Variants in DRD2 observed in about 807,000 individuals in gnomAD.
The protein encoded by DRD2 is dopamine receptor D2.
DRD2 carries 8 observed loss-of-function variants against 38.0 expected under a neutral mutation model. The ratio of observed to expected loss-of-function variants is 0.21; its 90% CI spans 0.12 to 0.38. The LOEUF is 0.38. Ranked by LOEUF, DRD2 falls within the 10% of genes least tolerant of loss-of-function variation. The probability of loss-of-function intolerance (pLI) is 1.00; values close to 1 mark genes in which losing one functional copy is unlikely to be tolerated. For synonymous variants in DRD2, 230 were observed against 238.6 expected (o/e 0.96, Z 0.33); for missense variants, 403 against 607.7 (o/e 0.66, Z 3.54).
chr11:113,428,022 G>C (rs1950955480), intron 1 of DRD2, among the ~76,000 whole-genome samples: 1 of 152,142 alleles, frequency 6.6e-6, no homozygotes, highest in Non-Finnish European at 1.5e-5. Context: ...GCCATGGAGA[G>C]AGGCCTTAAG....
At chr11:113,464,301 C>T (rs760509669) in intron 1 of DRD2, among the ~76,000 whole-genome samples, 6 of 152,180 alleles carry the variant, frequency 3.9e-5, no homozygotes, top group Non-Finnish European at 7.3e-5. Context: ...ACTTCCGCTG[C>T]GGCCCTTCCA....
intron 1 of DRD2, among the ~76,000 whole-genome samples, chr11:113,432,230 C>A (rs1950993579): frequency 6.6e-6 from 1 of 151,626 alleles, no homozygotes; most frequent in South Asian, 2.1e-4. Flanking sequence ...AGCCTGGGAT[C>A]CAGGAAGAAA....
At chr11:113,438,244 C>T (rs1170727595) in intron 1 of DRD2, among the ~76,000 whole-genome samples, 2 of 152,054 alleles carry the variant, frequency 1.3e-5, no homozygotes, top group Non-Finnish European at 2.9e-5. Flanking sequence ...TCCAGTCCCA[C>T]TTGGTAGCAG....
In DRD2 at chr11:113,437,957, G is replaced by A. The variant is rs552199314; in HGVS notation, c.-31-13275C>T. Among the ~76,000 whole-genome samples the A allele has an allele frequency of 2.6e-5, 4 of 152,264 alleles. No individual in the cohort carries two copies. The East Asian group carries it at 7.7e-4, about 29-fold the overall frequency. ...GTCTCCTCATCCCGACAACAGACTG[G>A]GGGGTGCAGAGGAGCCCCCAGCTGC... On this transcript the variant is annotated intron_variant, in intron 1 of 7. Transcript: ENST00000362072.
intron 6 of DRD2, 89 bp from the exon 7 acceptor site, chr11:113,412,972 T>A: frequency 2.1e-6 from 3 of 1,404,108 alleles, no homozygotes; most frequent in Non-Finnish European, 2.9e-6. Context: ...TTTCCCCCTC[T>A]GAAGACTCCT....
intron 1 of DRD2, among the ~76,000 whole-genome samples, chr11:113,454,712 T>C (rs1951251592): frequency 6.6e-6 from 1 of 152,178 alleles, no homozygotes; most frequent in Admixed American, 6.5e-5. Context: ...AACCTAAGTG[T>C]CTACTAATGG....
intron 1 of DRD2, among the ~76,000 whole-genome samples, chr11:113,451,175 C>T (rs746389888): frequency 6.6e-6 from 1 of 152,194 alleles, no homozygotes; most frequent in Non-Finnish European, 1.5e-5. Flanking sequence ...TTCTTTTAAG[C>T]TGTTAAGAAT....
In DRD2 at chr11:113,415,439, G is replaced by A. The variant is rs1374391518; in HGVS notation, c.705C>T (p.His235=). 4 of 1,613,544 alleles carry A rather than the reference G, an allele frequency of 2.5e-6. No homozygotes were observed. The African/African-American group carries it at 5.3e-5, about 22-fold the overall frequency. The change falls in exon 5 of 8, where the codon CAC becomes CAT. Residue 235 remains histidine, a synonymous_variant. Coordinates refer to ENST00000362072, the MANE Select transcript of DRD2 (RefSeq NM_000795.4). ...TTGAGACCTTTAGTGGAGCCCTCAG[G>A]TGGGCCCTGAAAGCTCGGCTGCTGC... ...TKRSSRAFRA[H]LRAPLKGNCT... is the part of the protein sequence containing the mutation.
chr11:113,427,310 G>A (rs1001688300), intron 1 of DRD2, among the ~76,000 whole-genome samples: 1 of 151,902 alleles, frequency 6.6e-6, no homozygotes, highest in Admixed American at 6.6e-5. Flanking sequence ...ATCCTTCAAA[G>A]TGAGTCTTGC....
intron 1 of DRD2, among the ~76,000 whole-genome samples, chr11:113,430,269 C>T (rs1026770017): frequency 2.0e-5 from 3 of 152,198 alleles, no homozygotes; most frequent in Non-Finnish European, 4.4e-5. Flanking sequence ...AGATACAGCT[C>T]TCCCAGCCCA....
intron 1 of DRD2, among the ~76,000 whole-genome samples, chr11:113,438,517 T>A (rs1442373266): frequency 6.6e-6 from 1 of 152,126 alleles, no homozygotes; most frequent in Admixed American, 6.5e-5. Flanking sequence ...AAACTCCCCA[T>A]TTCTCTGTGA....
chr11:113,410,997 C>G (rs938035120), intron 7 of DRD2, 77 bp from the exon 8 acceptor site: 34 of 1,503,844 alleles, frequency 2.3e-5, no homozygotes, highest in Non-Finnish European at 3.0e-5. Flanking sequence ...CCAGTGCGCC[C>G]TGGCTCGTAT....
intron 1 of DRD2, among the ~76,000 whole-genome samples, chr11:113,439,315 G>A (rs75765286): frequency 1.2e-3 from 176 of 152,206 alleles, no homozygotes; most frequent in African/African-American, 3.6e-3. Context: ...TGACAGTGAC[G>A]GTGCTCCTTT....
At chr11:113,471,006 T>A (rs556160552) in intron 1 of DRD2, among the ~76,000 whole-genome samples, 56 of 152,260 alleles carry the variant, frequency 3.7e-4, no homozygotes, top group African/African-American at 1.1e-3. Flanking sequence ...TTTACCAGAT[T>A]AAGGTGAAAG....
intron 7 of DRD2, chr11:113,411,492 C>G (rs1263540543): frequency 6.5e-6 from 1 of 153,230 alleles, no homozygotes; most frequent in Non-Finnish European, 1.5e-5. Flanking sequence ...TGCCCTCTCA[C>G]CCAGGGCAGC....
At chr11:113,468,811 G>T (rs926972184) in intron 1 of DRD2, among the ~76,000 whole-genome samples, 1 of 152,158 alleles carries the variant, frequency 6.6e-6, no homozygotes, top group African/African-American at 2.4e-5. Context: ...GCCTCCCAAA[G>T]GGATGGGATT....
At chr11:113,428,895 G>A (rs932381601) in intron 1 of DRD2, among the ~76,000 whole-genome samples, 1 of 152,130 alleles carries the variant, frequency 6.6e-6, no homozygotes, top group African/African-American at 2.4e-5. Flanking sequence ...CCAAAGTGCT[G>A]GGATTACAGG....
chr11:113,435,340 T>C (rs1469917138), intron 1 of DRD2, among the ~76,000 whole-genome samples: 1 of 83,168 alleles, frequency 1.2e-5, no homozygotes, highest in Non-Finnish European at 2.6e-5. Context: ...TGGGGGGGGG[T>C]GGGGGAGAAT....
intron 1 of DRD2, among the ~76,000 whole-genome samples, chr11:113,459,110 A>G (rs1388577122): frequency 1.3e-5 from 2 of 152,210 alleles, no homozygotes; most frequent in East Asian, 3.8e-4. Flanking sequence ...TCTATCTCTG[A>G]GTCTCCGTTT....
Sources: allele counts gnomAD v4.1 joint callset (sites outside exome capture counted in the v4.1 genomes callset), GRCh38; gene constraint gnomAD v4.1.1; transcripts MANE v1.5; gene names NCBI Gene and HGNC (gene_info 2026-07-23, HGNC 2026-07-21).